Variants in PCSK2 observed in about 807,000 individuals in gnomAD.
The protein encoded by PCSK2 is proprotein convertase subtilisin/kexin type 2.
In PCSK2, 14 loss-of-function variants were observed where a neutral mutation model predicts 69.7. The observed-to-expected ratio is 0.20, with a 90% CI of 0.13 to 0.31. The LOEUF (loss-of-function observed/expected upper bound fraction) is 0.31, where lower values mean the gene tolerates loss of function less well. Ranked by LOEUF, PCSK2 falls within the 10% of genes least tolerant of loss-of-function variation. PCSK2 has a pLI of 1.00. For synonymous variants in PCSK2, 307 were observed against 320.7 expected, an observed-to-expected ratio of 0.96 and a Z score of 0.46; for missense variants, 544 against 842.5, an observed-to-expected ratio of 0.65 and a Z score of 4.39.
At chr20:17,481,373 C>T (rs1259116641) in intron 11 of PCSK2, among the ~76,000 whole-genome samples, 1 of 128,926 alleles carries the variant, frequency 7.8e-6, no homozygotes, top group Non-Finnish European at 1.6e-5. Context: ...CAGAGTGGGA[C>T]CCTGTCTCAA....
rs577850725 is a variant in PCSK2 at position 17,242,400 on chromosome 20, A to G, written c.177+14918A>G. Among the ~76,000 whole-genome samples the G allele has an allele frequency of 2.0e-5, 3 of 152,316 alleles. No individual in the cohort carries two copies. The East Asian group carries it at 5.8e-4, about 29-fold the overall frequency. ...TATTAACAAGTGTGTGTTGAGCCCT[A>G]TGAAGATGAGGCACATTGAAAGGGG... On this transcript the variant is annotated intron_variant, in intron 1 of 11. Transcript: ENST00000262545.
At position 17,479,544 on chromosome 20, in the gene PCSK2, A is replaced by G. The variant is rs190747101; in HGVS notation, c.1431-2040A>G. The G allele has an allele frequency of 2.1e-4, 69 of 323,854 alleles. No individual in the cohort carries two copies. In the East Asian group the frequency reaches 4.9e-3, roughly 23 times the overall value. The allele number at this position is 323,854 out of a possible 1,614,324, so 20.1% of individuals were successfully genotyped here. A position where few individuals can be genotyped will look rare whatever the true frequency, so the allele number is the denominator to read the frequency against. On this transcript the variant is annotated intron_variant, in intron 11 of 11. Coordinates refer to ENST00000262545, the MANE Select transcript of PCSK2 (RefSeq NM_002594.5). ...GCCGGGCGCGGTGGCTCACGCCTGT[A>G]ATCTCAGCACTTTGGGAGGCCGAGG...
chr20:17,456,748 T>C (rs777814389), intron 10 of PCSK2, among the ~76,000 whole-genome samples: 2 of 152,216 alleles, frequency 1.3e-5, no homozygotes, highest in African/African-American at 4.8e-5. Flanking sequence ...TATTTCTTTC[T>C]TCATCAAATT....
chr20:17,303,437 A>T (rs935554129), intron 2 of PCSK2, among the ~76,000 whole-genome samples: 31 of 92,570 alleles, frequency 3.3e-4, no homozygotes, highest in African/African-American at 1.2e-3. Flanking sequence ...TTTAATATAT[A>T]ATATAATATA....
At chr20:17,346,928 T>C (rs1288902399) in intron 2 of PCSK2, among the ~76,000 whole-genome samples, 4 of 152,144 alleles carry the variant, frequency 2.6e-5, no homozygotes, top group Non-Finnish European at 5.9e-5. Flanking sequence ...ACAAGAAACA[T>C]CTTTGATCCC....
chr20:17,316,830 G>A (rs1989704445), intron 2 of PCSK2, among the ~76,000 whole-genome samples: 1 of 152,016 alleles, frequency 6.6e-6, no homozygotes, highest in Non-Finnish European at 1.5e-5. Flanking sequence ...GATTTCCTGT[G>A]GCATTATAAG....
intron 4 of PCSK2, among the ~76,000 whole-genome samples, chr20:17,364,165 G>A (rs974235762): frequency 6.6e-6 from 1 of 151,794 alleles, no homozygotes; most frequent in Non-Finnish European, 1.5e-5. Context: ...ACCAGGATGT[G>A]GAAATTCTCC....
At chr20:17,437,410 G>C (rs1165873740) in intron 8 of PCSK2, among the ~76,000 whole-genome samples, 1 of 152,228 alleles carries the variant, frequency 6.6e-6, no homozygotes, top group Non-Finnish European at 1.5e-5. Context: ...GGAGAAGGAA[G>C]CTGGGCAGAG....
chr20:17,316,394 T>C (rs1347453319), intron 2 of PCSK2, among the ~76,000 whole-genome samples: 1 of 152,230 alleles, frequency 6.6e-6, no homozygotes, highest in Non-Finnish European at 1.5e-5. Flanking sequence ...TCTGGGCACA[T>C]AGAGGTGAAA....
chr20:17,233,192 A>T (rs895710755), intron 1 of PCSK2, among the ~76,000 whole-genome samples: 4 of 152,212 alleles, frequency 2.6e-5, no homozygotes, highest in African/African-American at 9.6e-5. Flanking sequence ...ATAGCACTGG[A>T]AACTTGGCTA....
rs1477342299 is a variant in PCSK2, at chr20:17,453,576, C to T, written c.886-166C>T. Reference sequence around the variant, plus strand: ...AATTCTTCCTGGAAAAAAAAAGTTTCCCACAATGCCCTGCCAGAAGGATAT... The same window carrying T: ...AATTCTTCCTGGAAAAAAAAAGTTTTCCACAATGCCCTGCCAGAAGGATAT... On this transcript the variant is annotated intron_variant, in intron 8 of 11. Coordinates refer to ENST00000262545, the MANE Select transcript of PCSK2 (RefSeq NM_002594.5). This position sits in a 1 kb window ranked among gnomAD's most constrained non-coding sequence, Gnocchi z 4.0. Among the ~76,000 whole-genome samples, 1 of 152,184 alleles carries T rather than the reference C, an allele frequency of 6.6e-6. No individual in the cohort carries two copies. The highest frequency in any genetic ancestry group is 2.4e-5 in the African/African-American group (1 of 41,432).
chr20:17,239,356 G>A (rs551106632), intron 1 of PCSK2, among the ~76,000 whole-genome samples: 22 of 152,290 alleles, frequency 1.4e-4, no homozygotes, highest in African/African-American at 4.6e-4. Context: ...AGCCAAGAAT[G>A]GGAGACCAAG....
intron 2 of PCSK2, among the ~76,000 whole-genome samples, chr20:17,301,834 G>A (rs953699026): frequency 3.3e-5 from 5 of 152,090 alleles, no homozygotes; most frequent in South Asian, 2.1e-4. Flanking sequence ...AGGAGGCTGA[G>A]GCGGGAGAAT....
At chr20:17,309,836 AGAAG>A (rs1341609052) in intron 2 of PCSK2, among the ~76,000 whole-genome samples, 2 of 149,450 alleles carry the variant, frequency 1.3e-5, no homozygotes, top group Non-Finnish European at 3.0e-5. Context: ...AAGAAGAAGA[AGAAG>A]AGGAAGAGGA....
rs56376793 is a variant in PCSK2 at position 17,421,807 on chromosome 20, T to TAAAAAAA, written c.621-7603_621-7597dup. Among the ~76,000 whole-genome samples, 246 of 78,934 alleles carry TAAAAAAA rather than the reference T, an allele frequency of 3.1e-3. 1 individual carries two copies. Among genetic ancestry groups the TAAAAAAA allele is most frequent in the Middle Eastern group, 9.8e-3 (1 of 102 alleles). The allele number at this position is 78,934 out of a possible 152,430, so 51.8% of individuals were successfully genotyped here. Reference sequence around the variant, plus strand: ...CCAGTAGCCAGGAAAGGAAGAGAGGTAAAAAAAAAAAAAAAAAAAAAAAAA... The same window carrying TAAAAAAA: ...CCAGTAGCCAGGAAAGGAAGAGAGGTAAAAAAAAAAAAAAAAAAAAAAAAAAAAAAAA... On this transcript the variant is annotated intron_variant, in intron 6 of 11. Coordinates refer to ENST00000262545, the MANE Select transcript of PCSK2 (RefSeq NM_002594.5).
rs199873110 is a variant in PCSK2, at chr20:17,227,529, G to A, written c.177+47G>A. 1,918 of 1,455,880 alleles carry A rather than the reference G, an allele frequency of 1.3e-3. 20 individuals are homozygous for A. Among genetic ancestry groups the A allele is most frequent in the Non-Finnish European group, 2.1e-4 (221 of 1,045,696 alleles). The allele number at this position is 1,455,880 out of a possible 1,614,324, so 90.2% of individuals were successfully genotyped here. On this transcript the variant is annotated intron_variant, in intron 1 of 11. Coordinates refer to ENST00000262545, the MANE Select transcript of PCSK2 (RefSeq NM_002594.5). ...GCATGTTGTTTCAAAACGGGGGGAC[G>A]GGGGGGCAGCCCTGCGCAATCTCAT...
At chr20:17,401,699 C>A (rs550031021) in intron 5 of PCSK2, among the ~76,000 whole-genome samples, 1 of 152,122 alleles carries the variant, frequency 6.6e-6, no homozygotes, top group East Asian at 1.9e-4. Context: ...TGAAAAGATA[C>A]TTTTTAGCAT....
intron 5 of PCSK2, among the ~76,000 whole-genome samples, chr20:17,389,501 C>G (rs926914391): frequency 6.6e-6 from 1 of 151,994 alleles, no homozygotes; most frequent in Non-Finnish European, 1.5e-5. Context: ...CCTGAAGAAA[C>G]AGATGCTCTT....
chr20:17,388,565 A>T lies in PCSK2; in HGVS notation c.543+19288A>T, dbSNP rs79531603. Among the ~76,000 whole-genome samples, 286 of 152,242 alleles carry T rather than the reference A, an allele frequency of 1.9e-3. 3 individuals carry two copies. The highest frequency in any genetic ancestry group is 6.5e-3 in the African/African-American group (270 of 41,538). On this transcript the variant is annotated intron_variant, in intron 5 of 11. Coordinates refer to ENST00000262545, the MANE Select transcript of PCSK2 (RefSeq NM_002594.5). Reference sequence around the variant, plus strand: ...TGATATCTGCAAAACATATATCTCTAAAAAAAGCAGACAAAAACACAATCA... The same window carrying T: ...TGATATCTGCAAAACATATATCTCTTAAAAAAGCAGACAAAAACACAATCA...
Sources: gnomAD v4.1 joint callset for allele counts (sites outside exome capture counted in the v4.1 genomes callset) on GRCh38, gnomAD v4.1.1 for gene constraint, Gnocchi (gnomAD v3.1) non-coding constraint, MANE v1.5 for transcripts, NCBI Gene and HGNC (gene_info 2026-07-23, HGNC 2026-07-21) for gene names.